POFUT2: variants seen among roughly 807,000 people sequenced by gnomAD.
The protein encoded by POFUT2 is protein O-fucosyltransferase 2, also known as GDP-fucose protein O-fucosyltransferase 2.
A neutral mutation model predicts 55.0 loss-of-function variants in POFUT2; 30 were observed. The observed-to-expected ratio is 0.55, with a 90% CI of 0.41 to 0.74. The LOEUF (loss-of-function observed/expected upper bound fraction) is 0.74. Among genes scored for constraint, POFUT2 ranks in the 30% least tolerant of loss-of-function variants. The pLI is 0.00. For missense variants in POFUT2, 524 were observed against 562.6 expected (o/e 0.93, Z 0.69); for synonymous variants, 267 against 231.1 (o/e 1.16, Z -1.41).
rs748933113 is a variant in POFUT2, at chr21:45,281,539, C to T, written c.638+810G>A. On this transcript the variant is annotated intron_variant, in intron 4 of 8. Coordinates refer to ENST00000349485, the MANE Select transcript of POFUT2 (RefSeq NM_133635.6). This position sits in a 1 kb window ranked among gnomAD's most constrained non-coding sequence, Gnocchi z 5.0. ...TGTGGTCCCGGCCCGCTGGGGCCAG[C>T]GGCAGCTGTTACTGACCAGGGTGAT... Among the ~76,000 whole-genome samples the T allele has an allele frequency of 2.6e-5, 4 of 152,090 alleles. No homozygotes were observed. The highest frequency in any genetic ancestry group is 5.9e-5 in the Non-Finnish European group (4 of 68,010).
In POFUT2 at chr21:45,270,206, A is replaced by G. The variant is rs2093206756; in HGVS notation, c.832-187T>C. On this transcript the variant is annotated intron_variant, in intron 6 of 8. Transcript: ENST00000349485. This position sits in a 1 kb window ranked among gnomAD's most constrained non-coding sequence, Gnocchi z 4.6. ...GGCGACCAGATGTCTTTCTAAGAAG[A>G]CAGTGAAGCAGTATTAATTACCAGA... The G allele has an allele frequency of 7.1e-6, 3 of 419,906 alleles. No homozygotes were observed. The highest frequency in any genetic ancestry group is 4.2e-6 in the Non-Finnish European group (1 of 240,706). 26.0% of individuals were successfully genotyped at this position (419,906 alleles called of 1,614,324 possible).
At chr21:45,286,605 A>C (rs2031433497) in intron 1 of POFUT2, among the ~76,000 whole-genome samples, 1 of 152,248 alleles carries the variant, frequency 6.6e-6, no homozygotes, top group Non-Finnish European at 1.5e-5. Context: ...AAACGGCTAC[A>C]AAAGCTCAGA....
In POFUT2 at chr21:45,265,751, C is replaced by T. The variant is rs373542427; in HGVS notation, c.1137-116G>A. On this transcript the variant is annotated intron_variant, in intron 8 of 8. Coordinates refer to ENST00000349485, the MANE Select transcript of POFUT2 (RefSeq NM_133635.6). The surrounding 1 kb of genome is among the most constrained non-coding windows in gnomAD (Gnocchi z 4.6). The stretch of plus-strand genomic sequence containing the variant: ...AAATGAGTTCCACAGTTACATGGAA[C>T]CAACACGGCCGTCCCCCGAGCACCC... 3.1e-4 allele frequency: 462 copies of T among 1,469,838 alleles called. 1 individual carries two copies. The African/African-American group carries it at 5.9e-3, about 19-fold the overall frequency. 91.0% of individuals were successfully genotyped at this position (1,469,838 alleles called of 1,614,324 possible).
At chr21:45,286,467 G>A (rs1335798495) in intron 1 of POFUT2, among the ~76,000 whole-genome samples, 1 of 152,250 alleles carries the variant, frequency 6.6e-6, no homozygotes, top group African/African-American at 2.4e-5. Context: ...TTTGGTGACA[G>A]CTGGATTCCC....
intron 1 of POFUT2, among the ~76,000 whole-genome samples, chr21:45,286,943 G>C (rs1249385545): frequency 6.6e-6 from 1 of 152,166 alleles, no homozygotes; most frequent in Admixed American, 6.5e-5. Context: ...GCGCCCGCCC[G>C]GCACTGACTC....
chr21:45,270,291 C>T lies in POFUT2; in HGVS notation c.832-272G>A, dbSNP rs1376175799. Among the ~76,000 whole-genome samples, 4 of 152,262 alleles carry T rather than the reference C, an allele frequency of 2.6e-5. No homozygotes were observed. The highest frequency in any genetic ancestry group is 5.9e-5 in the Non-Finnish European group (4 of 68,010). ...AAAGAGAACAGCATGTGGAGGCTCACGCTGTGAACTTTTCCTCCGAGAACC... is the reference window on the plus strand; with the variant it reads ...AAAGAGAACAGCATGTGGAGGCTCATGCTGTGAACTTTTCCTCCGAGAACC... On this transcript the variant is annotated intron_variant, in intron 6 of 8. Transcript: ENST00000349485. The surrounding 1 kb of genome is among the most constrained non-coding windows in gnomAD (Gnocchi z 4.6).
intron 1 of POFUT2, 133 bp downstream of exon 1, chr21:45,287,608 A>C (rs1602249007): frequency 9.4e-6 from 5 of 531,702 alleles, no homozygotes; most frequent in Admixed American, 2.7e-4. Context: ...GCCCCGGACC[A>C]CCCTCCATCC....
chr21:45,271,078 G>A (rs1382930057), intron 6 of POFUT2, among the ~76,000 whole-genome samples: 1 of 151,786 alleles, frequency 6.6e-6, no homozygotes, highest in Admixed American at 6.6e-5. Flanking sequence ...GAATTCCGAA[G>A]GTTCATTATT....
At chr21:45,266,492 C>T (rs2093156101) in intron 8 of POFUT2, 1 of 1,104,164 alleles carries the variant, frequency 9.1e-7, no homozygotes, top group Non-Finnish European at 1.1e-6. Flanking sequence ...GCGAAGCCTC[C>T]CCACAGCAGG....
Position 45,282,305 on chromosome 21 carries a change from C to A in POFUT2, c.638+44G>T, listed in dbSNP as rs143342148. The A allele has an allele frequency of 2.4e-4, 298 of 1,266,356 alleles. 1 individual carries two copies. Among genetic ancestry groups the A allele is most frequent in the Non-Finnish European group, 3.2e-4 (276 of 867,018 alleles). 78.4% of individuals were successfully genotyped at this position (1,266,356 alleles called of 1,614,324 possible). ...CCCAGCCCAGCATGCACGGAGCAGACGCCACAGCCTCCAGGCTGCTCCCGG... is the reference window on the plus strand; with the variant it reads ...CCCAGCCCAGCATGCACGGAGCAGAAGCCACAGCCTCCAGGCTGCTCCCGG... On this transcript the variant is annotated intron_variant, in intron 4 of 8. Coordinates refer to ENST00000349485, the MANE Select transcript of POFUT2 (RefSeq NM_133635.6). The surrounding 1 kb of genome is among the most constrained non-coding windows in gnomAD (Gnocchi z 4.6).
At chr21:45,268,072 T>A (rs2093173944) in intron 7 of POFUT2, among the ~76,000 whole-genome samples, 1 of 151,536 alleles carries the variant, frequency 6.6e-6, no homozygotes, top group South Asian at 2.1e-4. Flanking sequence ...TGCTGCCATC[T>A]CGGCTCACTG....
chr21:45,273,525 A>C (rs2093237097), intron 6 of POFUT2, among the ~76,000 whole-genome samples: 1 of 152,120 alleles, frequency 6.6e-6, no homozygotes, highest in African/African-American at 2.4e-5. Flanking sequence ...ATAAATCAAC[A>C]GACCAATATC....
chr21:45,269,230 G>C (rs1215932370), intron 7 of POFUT2, among the ~76,000 whole-genome samples: 7 of 151,696 alleles, frequency 4.6e-5, no homozygotes, highest in Non-Finnish European at 8.8e-5. Flanking sequence ...CTGCCCGGCC[G>C]CCCCTACTGG....
chr21:45,273,244 A>T (rs1242346303), intron 6 of POFUT2, among the ~76,000 whole-genome samples: 1 of 152,242 alleles, frequency 6.6e-6, no homozygotes, highest in Admixed American at 6.5e-5. Flanking sequence ...TAATCATCCA[A>T]GGCTACTATG....
intron 7 of POFUT2, among the ~76,000 whole-genome samples, chr21:45,268,811 T>TGGG (rs1481071076): frequency 7.6e-6 from 1 of 132,020 alleles, no homozygotes; most frequent in African/African-American, 3.0e-5. Context: ...GGGAGGGAGG[T>TGGG]GGGGGGGTCA....
chr21:45,278,670 G>A lies in POFUT2; in HGVS notation c.639-501C>T, dbSNP rs116830786. Among the ~76,000 whole-genome samples, 253 of 152,326 alleles carry A rather than the reference G, an allele frequency of 1.7e-3. 2 individuals are homozygous for A. Among genetic ancestry groups the A allele is most frequent in the African/African-American group, 5.6e-3 (234 of 41,580 alleles). The stretch of plus-strand genomic sequence containing the variant: ...GCATTCTTTCCACAGCGTCTCGTCC[G>A]AATTACTGCAACCCTTGTCCGGTGG... On this transcript the variant is annotated intron_variant, in intron 4 of 8. Transcript: ENST00000349485.
Position 45,267,530 on chromosome 21 carries a change from CAGA to C in POFUT2, c.1136+57_1136+59del. On this transcript the variant is annotated intron_variant, in intron 8 of 8. Transcript: ENST00000349485. This position sits in a 1 kb window ranked among gnomAD's most constrained non-coding sequence, Gnocchi z 4.4. ...CTGCTCTGACACCGAGTACTTGGGACAGAAGAACCTTTGAAAGCCACCCGACCC... is the reference window on the plus strand; with the variant it reads ...CTGCTCTGACACCGAGTACTTGGGACAGAACCTTTGAAAGCCACCCGACCC... 1 of 1,614,164 alleles carries C rather than the reference CAGA, an allele frequency of 6.2e-7. No homozygotes were observed. Among genetic ancestry groups the C allele is most frequent in the Non-Finnish European group, 8.5e-7 (1 of 1,180,030 alleles).
rs562381315 is a variant in POFUT2 at position 45,277,656 on chromosome 21, G to A, written c.705+447C>T. The A allele has an allele frequency of 8.9e-4, 200 of 224,462 alleles. 1 individual carries two copies. Among genetic ancestry groups the A allele is most frequent in the African/African-American group, 4.4e-3 (190 of 43,520 alleles). The allele number at this position is 224,462 out of a possible 1,614,324, so 13.9% of individuals were successfully genotyped here. A position where few individuals can be genotyped will look rare whatever the true frequency, so the allele number is the denominator to read the frequency against. On this transcript the variant is annotated intron_variant, in intron 5 of 8. Transcript: ENST00000349485. The surrounding 1 kb of genome is among the most constrained non-coding windows in gnomAD (Gnocchi z 6.9). The stretch of plus-strand genomic sequence containing the variant: ...CCACGGGAGGGGGCAGCCACTTCCC[G>A]CCCTCTGCTCCCACTCACTCACAGA...
chr21:45,269,025 T>C (rs1226768431), intron 7 of POFUT2, among the ~76,000 whole-genome samples: 7 of 63,038 alleles, frequency 1.1e-4, no homozygotes, highest in African/African-American at 2.4e-4. Flanking sequence ...CCGCCCCGTC[T>C]GGGAGGGAGG....
Sources: allele counts gnomAD v4.1 joint callset (sites outside exome capture counted in the v4.1 genomes callset), GRCh38; gene constraint gnomAD v4.1.1; non-coding constraint Gnocchi (gnomAD v3.1); transcripts MANE v1.5; gene names NCBI Gene and HGNC (gene_info 2026-07-23, HGNC 2026-07-21).